Variants in CDC42BPA observed in about 807,000 individuals in gnomAD.
The protein encoded by CDC42BPA is serine/threonine-protein kinase MRCK alpha.
CDC42BPA carries 80 observed loss-of-function variants against 223.5 expected under a neutral mutation model. The observed-to-expected ratio is 0.36, with a 90% CI of 0.30 to 0.43. The LOEUF is 0.43. Among genes scored for constraint, CDC42BPA ranks in the 20% least tolerant of loss-of-function variants. CDC42BPA has a pLI of 1.00. For synonymous variants in CDC42BPA, 694 were observed against 718.6 expected (o/e 0.97, Z 0.55); for missense variants, 1,743 against 2,099.9 (o/e 0.83, Z 3.32).
chr1:227,309,109 A>T (rs1693066381), intron 1 of CDC42BPA, among the ~76,000 whole-genome samples: 1 of 151,900 alleles, frequency 6.6e-6, no homozygotes, highest in Non-Finnish European at 1.5e-5. Context: ...TCACATCTGT[A>T]ATCCCAGCAC....
At chr1:227,316,869 T>C in intron 1 of CDC42BPA, 136 bp downstream of exon 1, 2 of 670,228 alleles carry the variant, frequency 3.0e-6, no homozygotes, top group African/African-American at 1.8e-5. Context: ...TAGCGGAAAA[T>C]CTTGAATAAC....
At chr1:227,175,485 T>TTGTTA (rs1666795834) in intron 5 of CDC42BPA, among the ~76,000 whole-genome samples, 1 of 134,362 alleles carries the variant, frequency 7.4e-6, no homozygotes, top group African/African-American at 2.7e-5. Context: ...ATCCTATACT[T>TTGTTA]TAACACAGCA....
chr1:227,185,748 C>T (rs1158401361), intron 5 of CDC42BPA, among the ~76,000 whole-genome samples: 5 of 38,764 alleles, frequency 1.3e-4, no homozygotes, highest in African/African-American at 4.1e-4. Context: ...CACGTGTGTC[C>T]ATGTCGTTTT....
At chr1:227,064,320 T>TAGC (rs1169358208) in intron 21 of CDC42BPA, among the ~76,000 whole-genome samples, 1 of 152,202 alleles carries the variant, frequency 6.6e-6, no homozygotes, top group Non-Finnish European at 1.5e-5. Flanking sequence ...AAAACTTACT[T>TAGC]AGCACATATT....
intron 5 of CDC42BPA, among the ~76,000 whole-genome samples, chr1:227,166,798 CATCT>C (rs1665121119): frequency 6.6e-6 from 1 of 152,102 alleles, no homozygotes; most frequent in African/African-American, 2.4e-5. Flanking sequence ...TGCTGACCAA[CATCT>C]ATCAACTGAG....
At chr1:227,212,984 T>A (rs1479401131) in intron 3 of CDC42BPA, 152 bp downstream of exon 3, 1 of 485,470 alleles carries the variant, frequency 2.1e-6, no homozygotes, top group Non-Finnish European at 3.7e-6. Context: ...CATAATTATA[T>A]CACAATTGTG....
chr1:227,016,168 T>A lies in CDC42BPA; in HGVS notation c.4769A>T (p.Asn1590Ile). 1 of 1,592,068 alleles carries A rather than the reference T, an allele frequency of 6.3e-7. No individual in the cohort carries two copies. Among genetic ancestry groups the A allele is most frequent in the Non-Finnish European group, 8.6e-7 (1 of 1,160,388 alleles). The change falls in exon 34 of 37, where the codon AAT becomes ATT. Residue 1590 changes from asparagine (N) to isoleucine (I), a missense_variant. Asn to Ile is a moderately radical substitution (Grantham distance 149). This residue lies in a region of CDC42BPA where 44 missense variants were observed against 81.0 expected (regional missense o/e 0.54). Transcript: ENST00000366766. ...ATTAGTTGGATTAGAAATTAATTTA[T>A]TTCTCATTTCTGGATCTCGTAGCAT... is the stretch of plus-strand genomic sequence containing the variant. ...REMLRDPEMRNKLISNPTNFN... is the reference protein window; with the variant it reads ...REMLRDPEMRIKLISNPTNFN...
intron 2 of CDC42BPA, among the ~76,000 whole-genome samples, chr1:227,251,402 C>T (rs1486980570): frequency 6.6e-6 from 1 of 151,984 alleles, no homozygotes; most frequent in Admixed American, 6.6e-5. Flanking sequence ...AAAAACAACA[C>T]AAAATGAGCA....
chr1:227,107,397 G>T (rs765518377), intron 14 of CDC42BPA, among the ~76,000 whole-genome samples: 23 of 151,690 alleles, frequency 1.5e-4, no homozygotes, highest in Non-Finnish European at 2.5e-4. Context: ...TGGAACTTGG[G>T]TGAATTTATT....
chr1:227,261,788 A>G (rs1684126442), intron 1 of CDC42BPA, among the ~76,000 whole-genome samples: 1 of 152,152 alleles, frequency 6.6e-6, no homozygotes, highest in Non-Finnish European at 1.5e-5. Flanking sequence ...CATTAAAACC[A>G]GGACCCTTTC....
At chr1:227,022,434 A>G (rs1399734070) in intron 32 of CDC42BPA, among the ~76,000 whole-genome samples, 2 of 141,520 alleles carry the variant, frequency 1.4e-5, no homozygotes, top group African/African-American at 5.8e-5. Context: ...CTCCCGTCTC[A>G]AAAAAAAAAA....
intron 21 of CDC42BPA, among the ~76,000 whole-genome samples, chr1:227,056,553 A>G (rs1453699509): frequency 6.6e-6 from 1 of 151,978 alleles, no homozygotes; most frequent in African/African-American, 2.4e-5. Flanking sequence ...ATGCCTGGCT[A>G]ATTTTTAAAA....
chr1:227,066,701 T>A (rs187162705), intron 21 of CDC42BPA, among the ~76,000 whole-genome samples: 1 of 151,938 alleles, frequency 6.6e-6, no homozygotes, highest in Admixed American at 6.6e-5. Context: ...ACTGAACTGA[T>A]GGATGAGAAA....
chr1:227,005,151 G>A (rs182285465), intron 34 of CDC42BPA, 40 bp from the exon 35 acceptor site: 3 of 1,376,450 alleles, frequency 2.2e-6, no homozygotes, highest in Admixed American at 3.4e-5. Context: ...TAGCCAGAAA[G>A]AAACTGATTT....
intron 16 of CDC42BPA, among the ~76,000 whole-genome samples, 163 bp downstream of exon 16, chr1:227,091,723 G>A (rs1683112212): frequency 6.6e-6 from 1 of 152,144 alleles, no homozygotes; most frequent in South Asian, 2.1e-4. Context: ...ACTCCTATCA[G>A]ATTATTATAA....
rs772328155 is a variant in CDC42BPA, at chr1:227,016,981, T to C, written c.4685A>G (p.Asn1562Ser). The C allele has an allele frequency of 6.2e-6, 10 of 1,613,612 alleles. No individual in the cohort carries two copies. Among genetic ancestry groups the C allele is most frequent in the Admixed American group, 1.7e-5 (1 of 59,968 alleles). Residue 1562 changes from asparagine (N) to serine (S), a missense_variant, in exon 33 of 37, where the codon AAT (asparagine) becomes AGT (serine). Around this residue, in one of 6 missense-constraint regions of CDC42BPA, gnomAD observed 44 missense variants for 81.0 expected, o/e 0.54. Transcript: ENST00000366766. ...SRKQMVRNINNKRRYSFRVPE... is the reference protein window; with the variant it reads ...SRKQMVRNINSKRRYSFRVPE... ...GACTCTGAAGGAATAACGCCGCTTA[T>C]TGTTAATGTTTCTAACCATTTGTTT...
intron 5 of CDC42BPA, among the ~76,000 whole-genome samples, chr1:227,183,680 A>C (rs545115472): frequency 6.6e-6 from 1 of 152,352 alleles, no homozygotes; most frequent in African/African-American, 2.4e-5. Flanking sequence ...TTTTCTGTGA[A>C]TATAAATCTT....
intron 6 of CDC42BPA, among the ~76,000 whole-genome samples, chr1:227,159,718 G>A (rs1663508022): frequency 6.6e-6 from 1 of 151,668 alleles, no homozygotes; most frequent in South Asian, 2.1e-4. Context: ...CAGAGACAGA[G>A]TATCACTATG....
chr1:226,994,409 C>T lies in CDC42BPA; in HGVS notation c.5134-10G>A. On this transcript the variant is annotated splice_polypyrimidine_tract_variant and intron_variant, in intron 36 of 36. Transcript: ENST00000366766. This position sits in a 1 kb window ranked among gnomAD's most constrained non-coding sequence, Gnocchi z 4.0. ...TCGGAGAGTCAGAGTCCTGTAAGGC[C>T]CAAAGTAAAACATTAATGAGAAGGA... The T allele has an allele frequency of 2.7e-6, 4 of 1,503,298 alleles. No homozygotes were observed. Among genetic ancestry groups the T allele is most frequent in the Non-Finnish European group, 3.6e-6 (4 of 1,121,918 alleles). 93.1% of individuals were successfully genotyped at this position (1,503,298 alleles called of 1,614,324 possible).
Sources: allele counts gnomAD v4.1 joint callset (sites outside exome capture counted in the v4.1 genomes callset), GRCh38; gene constraint gnomAD v4.1.1; regional missense constraint gnomAD v4.1.1; non-coding constraint Gnocchi (gnomAD v3.1); transcripts MANE v1.5; gene names NCBI Gene and HGNC (gene_info 2026-07-23, HGNC 2026-07-21).